NUP54: variants seen among roughly 807,000 people sequenced by gnomAD.
The protein encoded by NUP54 is nucleoporin p54.
NUP54 carries 27 observed loss-of-function variants against 66.4 expected under a neutral mutation model. The observed-to-expected ratio is 0.41, with a 90% CI of 0.30 to 0.56. NUP54 has a LOEUF of 0.56. Among genes scored for constraint, NUP54 ranks in the 20% least tolerant of loss-of-function variants. The pLI is 0.34. For missense variants in NUP54, 486 were observed against 596.3 expected (o/e 0.82, Z 1.93); for synonymous variants, 206 against 210.7 (o/e 0.98, Z 0.19).
Position 76,144,212 on chromosome 4 carries a change from C to T in NUP54, c.232G>A (p.Gly78Ser), listed in dbSNP as rs1255547987. ...CCCAGTCCAGTTCCCAAACCAGTAC[C>T]TAAACCAGTACTAGTTCCCGTTGTT... ...GTTTGTSTGL[G>S]TGLGTGLGFG... Residue 78 changes from glycine (G) to serine (S), a missense_variant, in exon 3 of 12, where the codon GGT becomes AGT. Transcript: ENST00000264883. 3 of 1,612,894 alleles carry T rather than the reference C, an allele frequency of 1.9e-6. No individual in the cohort carries two copies. Among genetic ancestry groups the T allele is most frequent in the Non-Finnish European group, 2.5e-6 (3 of 1,178,914 alleles).
At chr4:76,132,406 T>C (rs1364379503) in intron 6 of NUP54, 117 bp downstream of exon 6, 5 of 672,624 alleles carry the variant, frequency 7.4e-6, no homozygotes, top group Non-Finnish European at 1.2e-5. Flanking sequence ...AGTAGATATA[T>C]GACAAGATGA....
intron 4 of NUP54, among the ~76,000 whole-genome samples, 198 bp downstream of exon 4, chr4:76,135,988 T>C (rs1731022560): frequency 6.6e-6 from 1 of 152,200 alleles, no homozygotes. Context: ...CTTCCTTCAT[T>C]CATATTCTGG....
intron 9 of NUP54, 40 bp downstream of exon 9, chr4:76,124,607 CAT>C: frequency 2.4e-6 from 2 of 819,274 alleles, no homozygotes; most frequent in Non-Finnish European, 4.1e-6. Context: ...ATTTCACACA[CAT>C]AGTCTTATAA....
At chr4:76,141,207 AT>A (rs1239174362) in intron 3 of NUP54, among the ~76,000 whole-genome samples, 1 of 152,186 alleles carries the variant, frequency 6.6e-6, no homozygotes, top group Non-Finnish European at 1.5e-5. Context: ...GGTCCTAACA[AT>A]GCTGCTCGCT....
chr4:76,117,055 T>C (rs1729980973), intron 11 of NUP54, among the ~76,000 whole-genome samples: 1 of 152,194 alleles, frequency 6.6e-6, no homozygotes, highest in Non-Finnish European at 1.5e-5. Context: ...CTTCTCAAGT[T>C]GAAATTCTGT....
chr4:76,148,151 T>TCGGCCCACTCTGCCGCCG, intron 1 of NUP54, 157 bp downstream of exon 1: 1 of 549,518 alleles, frequency 1.8e-6, no homozygotes, highest in Non-Finnish European at 2.9e-6. Context: ...GGGTGCCGCC[T>TCGGCCCACTCTGCCGCCG]CGGCCCACTC....
At chr4:76,147,711 A>G in intron 1 of NUP54, 1 of 1,132,972 alleles carries the variant, frequency 8.8e-7, no homozygotes, top group Non-Finnish European at 1.2e-6. Context: ...AAAGCAAGAT[A>G]AGGATTAGAA....
rs1435591089 is a variant in NUP54 at position 76,114,685 on chromosome 4, AATTT to A, written c.*677_*680del. On this transcript the variant is annotated 3_prime_UTR_variant, in exon 12 of 12. Coordinates refer to ENST00000264883, the MANE Select transcript of NUP54 (RefSeq NM_017426.4). ...TATATAAAAGTAATTACAAATTAAG[AATTT>A]ATTTATAAGTTTTCATCTTTTTAGA... The A allele has an allele frequency of 5.3e-5, 8 of 152,224 alleles. No individual in the cohort carries two copies. Among genetic ancestry groups the A allele is most frequent in the Non-Finnish European group, 8.8e-5 (6 of 68,040 alleles). 9.4% of individuals were successfully genotyped at this position (152,224 alleles called of 1,614,324 possible).
chr4:76,143,595 C>T (rs971225097), intron 3 of NUP54, among the ~76,000 whole-genome samples: 2 of 152,100 alleles, frequency 1.3e-5, no homozygotes, highest in African/African-American at 2.4e-5. Context: ...CAGAGCAAGA[C>T]TCCGTCTCAA....
rs775109047 is a variant in NUP54, at chr4:76,129,966, G to GTTTTTTTTTTTTTTTTTTT, written c.1056+671_1056+689dup. Among the ~76,000 whole-genome samples the GTTTTTTTTTTTTTTTTTTT allele has an allele frequency of 3.5e-5, 2 of 56,862 alleles. 1 individual carries two copies. The highest frequency in any genetic ancestry group is 6.0e-5 in the Non-Finnish European group (2 of 33,168). 37.3% of individuals were successfully genotyped at this position (56,862 alleles called of 152,430 possible). On this transcript the variant is annotated intron_variant, in intron 8 of 11. Coordinates refer to ENST00000264883, the MANE Select transcript of NUP54 (RefSeq NM_017426.4). ...AATCTTTAAGTATTTAATTATGAAA[G>GTTTTTTTTTTTTTTTTTTT]TTTTTTTTTTTTTTTTTTTTTTTTT...
chr4:76,126,425 C>A (rs56985043), intron 8 of NUP54, among the ~76,000 whole-genome samples: 20,019 of 152,196 alleles, frequency 0.13, 1,546 homozygotes, highest in East Asian at 0.35. Flanking sequence ...TCACCTTTTA[C>A]AGAAACTTTC....
intron 1 of NUP54, chr4:76,145,754 C>A: frequency 3.6e-6 from 1 of 274,682 alleles, no homozygotes; most frequent in Non-Finnish European, 7.1e-6. Context: ...TGGAATCTTC[C>A]TTTAATCTCA....
At chr4:76,137,420 A>G (rs1320987374) in intron 3 of NUP54, among the ~76,000 whole-genome samples, 1 of 152,210 alleles carries the variant, frequency 6.6e-6, no homozygotes, top group African/African-American at 2.4e-5. Context: ...AAAAGTTTGT[A>G]AAGATGTAGG....
At chr4:76,145,730 T>C in intron 1 of NUP54, 1 of 296,972 alleles carries the variant, frequency 3.4e-6, no homozygotes, top group Non-Finnish European at 6.1e-6. Flanking sequence ...TGTCGAATTA[T>C]ATTGCAGATT....
chr4:76,121,866 T>C (rs993593183), intron 9 of NUP54, among the ~76,000 whole-genome samples: 3 of 152,222 alleles, frequency 2.0e-5, no homozygotes, highest in African/African-American at 4.8e-5. Context: ...ATTAATTCTA[T>C]GGTTTATTCC....
intron 11 of NUP54, among the ~76,000 whole-genome samples, chr4:76,116,853 A>G (rs2109848659): frequency 6.6e-6 from 1 of 152,308 alleles, no homozygotes; most frequent in Non-Finnish European, 1.5e-5. Context: ...AGGAAACTTT[A>G]GTGTCTCTAC....
intron 8 of NUP54, among the ~76,000 whole-genome samples, chr4:76,125,316 T>TCACACACACACACA (rs34954421): frequency 9.5e-4 from 119 of 125,384 alleles, no homozygotes; most frequent in African/African-American, 3.1e-3. Context: ...TGAGACTCCA[T>TCACACACACACACA]CACACACACA....
intron 3 of NUP54, among the ~76,000 whole-genome samples, chr4:76,141,216 G>A (rs1485943182): frequency 6.6e-6 from 1 of 152,108 alleles, no homozygotes; most frequent in Non-Finnish European, 1.5e-5. Context: ...AATGCTGCTC[G>A]CTAATTTATG....
intron 2 of NUP54, 27 bp from the exon 3 acceptor site, chr4:76,144,319 A>G: frequency 1.3e-6 from 2 of 1,551,364 alleles, no homozygotes; most frequent in Non-Finnish European, 1.7e-6. Flanking sequence ...GGAACTTCGT[A>G]AGTTAAAAAA....
Sources: gnomAD v4.1 joint callset for allele counts (sites outside exome capture counted in the v4.1 genomes callset) on GRCh38, gnomAD v4.1.1 for gene constraint, MANE v1.5 for transcripts, NCBI Gene and HGNC (gene_info 2026-07-23, HGNC 2026-07-21) for gene names.